The following ANKIB1 variants were observed in gnomAD, a reference collection of about 807,000 sequenced individuals.
ANKIB1 encodes ankyrin repeat and IBR domain-containing protein 1.
In ANKIB1, 43 loss-of-function variants were observed where a neutral mutation model predicts 122.1. That is an observed-to-expected ratio of 0.35 (90% CI 0.28 to 0.45). The LOEUF (loss-of-function observed/expected upper bound fraction) is 0.45. ANKIB1 is among the 20% of genes least tolerant of loss of function. The probability of loss-of-function intolerance (pLI) is 1.00; values close to 1 mark genes in which losing one functional copy is unlikely to be tolerated. For missense variants in ANKIB1, 992 were observed against 1,329.5 expected (o/e 0.75, Z 3.95); for synonymous variants, 390 against 442.0 (o/e 0.88, Z 1.48).
chr7:92,290,545 C>T (rs1802225312), intron 1 of ANKIB1, among the ~76,000 whole-genome samples: 1 of 151,866 alleles, frequency 6.6e-6, no homozygotes, highest in African/African-American at 2.4e-5. Flanking sequence ...GTGTGTGTGA[C>T]CTATATCCAG....
rs1371121593 is a variant in ANKIB1, at chr7:92,246,455, C to A, written c.-155C>A. 1.7e-5 allele frequency: 9 copies of A among 516,392 alleles called. No individual in the cohort carries two copies. Among genetic ancestry groups the A allele is most frequent in the Admixed American group, 1.6e-4 (8 of 51,390 alleles). The allele number at this position is 516,392 out of a possible 1,614,324, so 32.0% of individuals were successfully genotyped here. A position where few individuals can be genotyped will look rare whatever the true frequency, so the allele number is the denominator to read the frequency against. Reference sequence around the variant, plus strand: ...ACCAGCTCGGCTGTAGAGGCAGGGGCGGCGGAGGCGGAACTGCGGAGTTGC... The same window carrying A: ...ACCAGCTCGGCTGTAGAGGCAGGGGAGGCGGAGGCGGAACTGCGGAGTTGC... On this transcript the variant is annotated 5_prime_UTR_variant, in exon 1 of 20. Transcript: ENST00000265742.
Position 92,391,184 on chromosome 7 carries a change from A to G in ANKIB1, c.2071A>G (p.Thr691Ala), listed in dbSNP as rs1804777507. 1 of 1,611,386 alleles carries G rather than the reference A, an allele frequency of 6.2e-7. No homozygotes were observed. Among genetic ancestry groups the G allele is most frequent in the Non-Finnish European group, 8.5e-7 (1 of 1,178,646 alleles). Residue 691 changes from threonine to alanine, a missense_variant, in exon 16 of 20, where the codon ACT becomes GCT. By Grantham distance (58) the Thr-to-Ala change is moderately conservative (BLOSUM62 0). Around this residue, in one of 4 missense-constraint regions of ANKIB1, gnomAD observed 521 missense variants for 777.7 expected, o/e 0.67. Coordinates refer to ENST00000265742, the MANE Select transcript of ANKIB1 (RefSeq NM_019004.2). ...ACTATAGACAGACCTAGAAATGGTC[A>G]CTGAAGACCTTGCCCAGAAAGTCAA... ...ELMQTDLEMV[T>A]EDLAQKVNRP...
chr7:92,314,583 AC>A (rs1802754946), intron 3 of ANKIB1, among the ~76,000 whole-genome samples: 2 of 152,120 alleles, frequency 1.3e-5, no homozygotes, highest in African/African-American at 4.8e-5. Context: ...AAGCTTGAGA[AC>A]CCTAGCTTGG....
chr7:92,337,554 G>T (rs1221706626), intron 5 of ANKIB1, among the ~76,000 whole-genome samples: 6 of 152,002 alleles, frequency 3.9e-5, no homozygotes, highest in Admixed American at 3.9e-4. Context: ...TGGGCTTGGG[G>T]TATATGTTAT....
chr7:92,264,690 G>A (rs1801634777), intron 1 of ANKIB1, among the ~76,000 whole-genome samples: 1 of 152,008 alleles, frequency 6.6e-6, no homozygotes, highest in Admixed American at 6.6e-5. Flanking sequence ...GGGATTACAG[G>A]CATAAGCCAC....
intron 14 of ANKIB1, among the ~76,000 whole-genome samples, chr7:92,388,256 C>T (rs748438147): frequency 1.5e-4 from 23 of 152,238 alleles, no homozygotes; most frequent in Non-Finnish European, 3.2e-4. Context: ...CTTGATGCAG[C>T]CTGTGGTGTT....
At chr7:92,340,357 G>A (rs1188401784) in intron 5 of ANKIB1, among the ~76,000 whole-genome samples, 1 of 152,136 alleles carries the variant, frequency 6.6e-6, no homozygotes, top group African/African-American at 2.4e-5. Flanking sequence ...AGTCAGCATG[G>A]CACTTGTTCA....
At chr7:92,385,307 A>G (rs1290619899) in intron 11 of ANKIB1, among the ~76,000 whole-genome samples, 4 of 152,206 alleles carry the variant, frequency 2.6e-5, no homozygotes, top group African/African-American at 4.8e-5. Flanking sequence ...TTCAACCATT[A>G]TGGAAGACAG....
At chr7:92,378,266 T>C (rs890355299) in intron 11 of ANKIB1, among the ~76,000 whole-genome samples, 2 of 152,106 alleles carry the variant, frequency 1.3e-5, no homozygotes, top group African/African-American at 2.4e-5. Flanking sequence ...AGTATACCAA[T>C]TGAGCACCCC....
At chr7:92,247,092 A>G (rs957763913) in intron 1 of ANKIB1, among the ~76,000 whole-genome samples, 1 of 152,222 alleles carries the variant, frequency 6.6e-6, no homozygotes. Flanking sequence ...AATTGAAACT[A>G]GAGCTGTAAT....
intron 1 of ANKIB1, among the ~76,000 whole-genome samples, chr7:92,252,593 T>C (rs923733612): frequency 6.6e-6 from 1 of 151,940 alleles, no homozygotes; most frequent in African/African-American, 2.4e-5. Context: ...CACCTCTTTC[T>C]CTCTTATGTA....
intron 2 of ANKIB1, among the ~76,000 whole-genome samples, chr7:92,305,041 A>G (rs1280106306): frequency 6.6e-6 from 1 of 152,202 alleles, no homozygotes; most frequent in East Asian, 1.9e-4. Flanking sequence ...TTTCTATTGT[A>G]TATCAGATTT....
intron 14 of ANKIB1, among the ~76,000 whole-genome samples, chr7:92,389,144 C>T (rs529376907): frequency 6.6e-6 from 1 of 152,010 alleles, no homozygotes; most frequent in East Asian, 1.9e-4. Flanking sequence ...GGGAAAAAAA[C>T]AAAAAGATAC....
intron 2 of ANKIB1, among the ~76,000 whole-genome samples, chr7:92,306,203 A>G (rs1255453574): frequency 6.6e-6 from 1 of 152,094 alleles, no homozygotes; most frequent in East Asian, 1.9e-4. Context: ...CACAAATCTT[A>G]CAGTTCTGGA....
chr7:92,398,693 A>G lies in ANKIB1; in HGVS notation c.3014A>G (p.Lys1005Arg), dbSNP rs1431963020. Residue 1005 changes from lysine (K) to arginine (R), a missense_variant, in exon 20 of 20, where the codon AAA (lysine) becomes AGA (arginine). By Grantham distance (26) the Lys-to-Arg change is conservative (BLOSUM62 2). This residue lies in a region of ANKIB1 where 384 missense variants were observed against 412.0 expected (regional missense o/e 0.93). Transcript: ENST00000265742. ...ISADSQLPCI[K>R]DGSEGVKDVE... Reference sequence around the variant, plus strand: ...GCAGATTCCCAGCTCCCCTGTATCAAAGATGGGTCAGAAGGTGTGAAGGAT... The same window carrying G: ...GCAGATTCCCAGCTCCCCTGTATCAGAGATGGGTCAGAAGGTGTGAAGGAT... 2.5e-6 allele frequency: 4 copies of G among 1,613,786 alleles called. No individual in the cohort carries two copies. In the African/African-American group the frequency reaches 5.3e-5, roughly 22 times the overall value.
At chr7:92,349,451 A>G (rs1183747260) in intron 7 of ANKIB1, among the ~76,000 whole-genome samples, 6 of 152,188 alleles carry the variant, frequency 3.9e-5, no homozygotes, top group Non-Finnish European at 8.8e-5. Flanking sequence ...GTTGTTGTTA[A>G]GTGCAGTGGA....
At chr7:92,389,094 A>G (rs533164485) in intron 14 of ANKIB1, among the ~76,000 whole-genome samples, 79 of 152,250 alleles carry the variant, frequency 5.2e-4, no homozygotes, top group African/African-American at 1.7e-3. Context: ...TATTGCTTCT[A>G]TTCAACATTC....
intron 1 of ANKIB1, among the ~76,000 whole-genome samples, chr7:92,260,240 A>G (rs773561475): frequency 3.3e-5 from 5 of 152,056 alleles, no homozygotes; most frequent in Non-Finnish European, 7.4e-5. Context: ...CTTACTCTCT[A>G]TGCTACAGTA....
intron 3 of ANKIB1, among the ~76,000 whole-genome samples, chr7:92,309,940 A>ATATACATATATATATATATATATAT (rs57536267): frequency 1.9e-5 from 2 of 105,308 alleles, no homozygotes; most frequent in African/African-American, 7.8e-5. Flanking sequence ...AAAAAAAAAA[A>ATATACATATATATATATATATATAT]AAATATATAT....
Sources: gnomAD v4.1 joint callset for allele counts (sites outside exome capture counted in the v4.1 genomes callset) on GRCh38, gnomAD v4.1.1 for gene constraint, gnomAD v4.1.1 regional missense constraint, MANE v1.5 for transcripts, NCBI Gene and HGNC (gene_info 2026-07-23, HGNC 2026-07-21) for gene names.